The following CCDC91 variants were observed in gnomAD, a reference collection of about 807,000 sequenced individuals.
CCDC91 encodes coiled-coil domain containing 91.
In CCDC91, 48 loss-of-function variants were observed where a neutral mutation model predicts 63.2. The ratio of observed to expected loss-of-function variants is 0.76; its 90% CI spans 0.60 to 0.97. The LOEUF is 0.97. CCDC91 is among the 50% of genes least tolerant of loss of function. CCDC91 has a pLI of 0.00. For missense variants in CCDC91, 500 were observed against 494.6 expected, an observed-to-expected ratio of 1.01 and a Z score of -0.10; for synonymous variants, 167 against 165.8, an observed-to-expected ratio of 1.01 and a Z score of -0.06.
At chr12:28,202,496 G>A (rs1942535034) in intron 1 of CCDC91, among the ~76,000 whole-genome samples, 1 of 152,050 alleles carries the variant, frequency 6.6e-6, no homozygotes, top group African/African-American at 2.4e-5. Flanking sequence ...TCTTTTATGT[G>A]TGGCCACCAA....
At chr12:28,365,861 C>G (rs1944237730) in intron 7 of CCDC91, among the ~76,000 whole-genome samples, 1 of 152,154 alleles carries the variant, frequency 6.6e-6, no homozygotes, top group African/African-American at 2.4e-5. Context: ...ATAGAAAAAT[C>G]TGTTACTGTC....
At chr12:28,435,574 A>G (rs1280531436) in intron 8 of CCDC91, among the ~76,000 whole-genome samples, 9 of 151,812 alleles carry the variant, frequency 5.9e-5, no homozygotes, top group Admixed American at 5.3e-4. Flanking sequence ...TTGAGAAAGA[A>G]TGTTTATTGT....
At chr12:28,225,893 T>G (rs1443015229) in intron 1 of CCDC91, 1 of 152,252 alleles carries the variant, frequency 6.6e-6, no homozygotes, top group Non-Finnish European at 1.5e-5. Context: ...TAATTCCTTT[T>G]CTTTGCTGGC....
At position 28,427,649 on chromosome 12, in the gene CCDC91, AT is replaced by A. The variant is rs151012478; in HGVS notation, c.763-22508del. Among the ~76,000 whole-genome samples, 502 of 152,282 alleles carry A rather than the reference AT, an allele frequency of 3.3e-3. 8 individuals are homozygous for A. Among genetic ancestry groups the A allele is most frequent in the African/African-American group, 0.011 (458 of 41,568 alleles). On this transcript the variant is annotated intron_variant, in intron 8 of 12. Coordinates refer to ENST00000536442, the MANE Select transcript of CCDC91 (RefSeq NM_018318.5). ...AGCAACTTCTGCTGTGGATAAACAGATTTTGGCTATGATTCACTAGATTTGC... is the reference window on the plus strand; with the variant it reads ...AGCAACTTCTGCTGTGGATAAACAGATTTGGCTATGATTCACTAGATTTGC...
rs1269635961 is a variant in CCDC91, at chr12:28,549,749, A to G, written c.*576A>G. On this transcript the variant is annotated 3_prime_UTR_variant, in exon 13 of 13. Coordinates refer to ENST00000536442, the MANE Select transcript of CCDC91 (RefSeq NM_018318.5). ...AACAAACAATACAATTAAAAGCACT[A>G]AAGATTATTATATTAATTCAACTTT... 1 of 152,236 alleles carries G rather than the reference A, an allele frequency of 6.6e-6. No individual in the cohort carries two copies. The highest frequency in any genetic ancestry group is 2.1e-4 in the South Asian group (1 of 4,828). The allele number at this position is 152,236 out of a possible 1,614,324, so 9.4% of individuals were successfully genotyped here.
At chr12:28,285,949 T>A (rs1203518336) in intron 3 of CCDC91, among the ~76,000 whole-genome samples, 1 of 152,068 alleles carries the variant, frequency 6.6e-6, no homozygotes, top group East Asian at 1.9e-4. Flanking sequence ...AGAAAAATAA[T>A]GTTGTTCTGC....
chr12:28,328,510 G>A (rs1941218274), intron 6 of CCDC91, among the ~76,000 whole-genome samples: 1 of 152,134 alleles, frequency 6.6e-6, no homozygotes, highest in Non-Finnish European at 1.5e-5. Context: ...TTTAGAAAGA[G>A]CAACATAATA....
chr12:28,492,955 C>T (rs1446295915), intron 12 of CCDC91, among the ~76,000 whole-genome samples: 3 of 151,356 alleles, frequency 2.0e-5, no homozygotes, highest in Non-Finnish European at 4.4e-5. Flanking sequence ...GAAAACAGTA[C>T]CACAGTTATC....
In CCDC91 at chr12:28,387,449, T is replaced by C. The variant is rs187131631; in HGVS notation, c.655-3855T>C. ...AGTGGTATTTGGTTACAAGAGTAAG[T>C]TCTTTCGTGGTGATTTGTGAGATTT... is the stretch of plus-strand genomic sequence containing the variant. On this transcript the variant is annotated intron_variant, in intron 7 of 12. Transcript: ENST00000536442. Among the ~76,000 whole-genome samples the C allele has an allele frequency of 4.6e-5, 7 of 152,336 alleles. No individual in the cohort carries two copies. The East Asian group carries it at 1.3e-3, about 29-fold the overall frequency.
chr12:28,482,941 A>G (rs912760034), intron 11 of CCDC91, among the ~76,000 whole-genome samples: 1 of 151,986 alleles, frequency 6.6e-6, no homozygotes, highest in African/African-American at 2.4e-5. Context: ...TTATAGAAGA[A>G]TATGTAATGT....
intron 6 of CCDC91, among the ~76,000 whole-genome samples, chr12:28,335,527 T>G (rs1941907237): frequency 6.6e-6 from 1 of 150,644 alleles, no homozygotes. Flanking sequence ...CCTACCTCAG[T>G]CTCTTGAGTG....
chr12:28,492,116 T>A (rs1456774021), intron 12 of CCDC91, among the ~76,000 whole-genome samples: 1 of 151,768 alleles, frequency 6.6e-6, no homozygotes, highest in Non-Finnish European at 1.5e-5. Flanking sequence ...ATTGCCAGCA[T>A]CTTAATCTGT....
chr12:28,265,451 C>T (rs1947121327), intron 3 of CCDC91, among the ~76,000 whole-genome samples: 1 of 152,022 alleles, frequency 6.6e-6, no homozygotes, highest in African/African-American at 2.4e-5. Flanking sequence ...GAGCTATTTG[C>T]ATACAAAGCC....
intron 3 of CCDC91, among the ~76,000 whole-genome samples, chr12:28,289,180 T>C (rs1949072753): frequency 6.6e-6 from 1 of 152,098 alleles, no homozygotes; most frequent in African/African-American, 2.4e-5. Context: ...CCCAGTCTCC[T>C]TGAGTTCAGC....
At chr12:28,394,921 A>T (rs1231652694) in intron 8 of CCDC91, among the ~76,000 whole-genome samples, 1 of 152,144 alleles carries the variant, frequency 6.6e-6, no homozygotes, top group Admixed American at 6.5e-5. Flanking sequence ...TAGTACTATT[A>T]TATGTATTAT....
chr12:28,533,002 T>C (rs1444226199), intron 12 of CCDC91, among the ~76,000 whole-genome samples: 2 of 152,106 alleles, frequency 1.3e-5, no homozygotes, highest in South Asian at 2.1e-4. Context: ...GTTAGTAGCA[T>C]TCGTTCATTC....
At chr12:28,269,253 C>T (rs1185738388) in intron 3 of CCDC91, among the ~76,000 whole-genome samples, 2 of 151,942 alleles carry the variant, frequency 1.3e-5, no homozygotes, top group Non-Finnish European at 2.9e-5. Context: ...GTGGTATTCT[C>T]CTCTGTATTT....
chr12:28,198,382 T>C (rs990855003), intron 1 of CCDC91, among the ~76,000 whole-genome samples: 4 of 152,218 alleles, frequency 2.6e-5, no homozygotes, highest in African/African-American at 9.6e-5. Flanking sequence ...ACTACATGCT[T>C]AGACATCAGT....
chr12:28,306,863 C>T lies in CCDC91; in HGVS notation c.389C>T (p.Ser130Phe), dbSNP rs148212163. ...TCTGAGGATCCTGGAGCCAATGTAT[C>T]TAACATACAGCTTCAGCAAAAAATT... is the stretch of plus-strand genomic sequence containing the variant. ...DDSEDPGANV[S>F]NIQLQQKISS... The change falls in exon 5 of 13, where the codon TCT becomes TTT. Residue 130 changes from serine (S) to phenylalanine (F), a missense_variant. Physicochemically the swap from Ser to Phe is radical, Grantham distance 155 (BLOSUM62 -2). Transcript: ENST00000536442. The T allele has an allele frequency of 1.6e-3, 2,515 of 1,612,006 alleles. 28 individuals are homozygous for T. The highest frequency in any genetic ancestry group is 0.011 in the African/African-American group (860 of 74,872).
Sources: gnomAD v4.1 joint callset for allele counts (sites outside exome capture counted in the v4.1 genomes callset) on GRCh38, gnomAD v4.1.1 for gene constraint, MANE v1.5 for transcripts, NCBI Gene and HGNC (gene_info 2026-07-23, HGNC 2026-07-21) for gene names.